Variants in WDR27 observed in about 807,000 individuals in gnomAD.
WDR27 encodes the protein WD repeat domain 27, also known as WD repeat-containing protein 27.
A neutral mutation model predicts 114.4 loss-of-function variants in WDR27; 100 were observed. The observed-to-expected ratio is 0.87, with a 90% CI of 0.74 to 1.03. The LOEUF is 1.03. WDR27 is among the 50% of genes least tolerant of loss of function. WDR27 has a pLI of 0.00. For synonymous variants in WDR27, 449 were observed against 423.1 expected, an observed-to-expected ratio of 1.06 and a Z score of -0.75; for missense variants, 1,129 against 1,092.9, an observed-to-expected ratio of 1.03 and a Z score of -0.47.
At chr6:169,573,761 C>T (rs1166085948) in intron 24 of WDR27, among the ~76,000 whole-genome samples, 1 of 152,236 alleles carries the variant, frequency 6.6e-6, no homozygotes, top group Non-Finnish European at 1.5e-5. Flanking sequence ...ACTTAACCTG[C>T]ACGCTTCCTG....
At chr6:169,578,429 GA>G in intron 24 of WDR27, among the ~76,000 whole-genome samples, 1 of 152,318 alleles carries the variant, frequency 6.6e-6, no homozygotes, top group Middle Eastern at 3.4e-3. Context: ...AGTCTATCTA[GA>G]TTGGGTTTTT....
At chr6:169,480,023 G>A (rs1022017425) in intron 25 of WDR27, among the ~76,000 whole-genome samples, 6 of 152,306 alleles carry the variant, frequency 3.9e-5, no homozygotes, top group Admixed American at 2.0e-4. Flanking sequence ...CTCTGCTTGC[G>A]GGGAGGTGTG....
At chr6:169,638,322 CAAAAAA>C (rs60501000) in intron 18 of WDR27, among the ~76,000 whole-genome samples, 4 of 11,062 alleles carry the variant, frequency 3.6e-4, no homozygotes, top group East Asian at 2.9e-3. Context: ...GACTCCGTCT[CAAAAAA>C]AAAAAAAAAA....
At chr6:169,621,512 TC>T (rs1813244697) in intron 21 of WDR27, among the ~76,000 whole-genome samples, 1 of 141,856 alleles carries the variant, frequency 7.0e-6, no homozygotes, top group African/African-American at 2.7e-5. Context: ...ACACATGCAT[TC>T]ACACATATAC....
intron 1 of WDR27, among the ~76,000 whole-genome samples, chr6:169,698,407 G>GAC (rs143177967): frequency 3.2e-4 from 48 of 151,604 alleles, no homozygotes; most frequent in Admixed American, 1.6e-3. Flanking sequence ...GGGACACACC[G>GAC]ACACACACAC....
At chr6:169,438,394 C>T in the WDR27 span, among the ~76,000 whole-genome samples, 22 of 151,980 alleles carry the variant, frequency 1.4e-4, no homozygotes, top group African/African-American at 4.8e-4. Context: ...CCCACCACCA[C>T]ACCCGGCTAA....
rs140808677 is a variant in WDR27 at position 169,651,464 on chromosome 6, C to T, written c.1481+466G>A. On this transcript the variant is annotated intron_variant, in intron 14 of 25. Transcript: ENST00000448612. ...TCAAGGCCTCCTCATGGTTTCTCAG[C>T]TGCTTTGTATCTCCTTGCCTTTGAG... Among the ~76,000 whole-genome samples, 237 of 152,224 alleles carry T rather than the reference C, an allele frequency of 1.6e-3. 1 individual carries two copies. Among genetic ancestry groups the T allele is most frequent in the African/African-American group, 5.4e-3 (226 of 41,508 alleles).
At chr6:169,441,742 C>T in the WDR27 span, among the ~76,000 whole-genome samples, 3 of 152,206 alleles carry the variant, frequency 2.0e-5, no homozygotes, top group Non-Finnish European at 4.4e-5. Context: ...CAATGCATAA[C>T]ATTTTTCTTT....
the WDR27 span, among the ~76,000 whole-genome samples, chr6:169,430,130 C>T: frequency 1.7e-4 from 26 of 152,308 alleles, no homozygotes; most frequent in African/African-American, 6.3e-4. Flanking sequence ...AAGAGTGGCA[C>T]ACGTCAAACC....
intron 25 of WDR27, among the ~76,000 whole-genome samples, chr6:169,520,484 C>T (rs1451758493): frequency 1.3e-5 from 2 of 151,840 alleles, no homozygotes; most frequent in Non-Finnish European, 2.9e-5. Flanking sequence ...AATACAAAGA[C>T]ACAGATGTAC....
At chr6:169,672,203 T>C (rs1344094835) in intron 3 of WDR27, 52 bp downstream of exon 3, 2 of 1,581,212 alleles carry the variant, frequency 1.3e-6, no homozygotes, top group Non-Finnish European at 1.7e-6. Context: ...TACTGAAGGA[T>C]GAGTTATTCC....
chr6:169,656,554 C>A (rs555579112), intron 13 of WDR27, among the ~76,000 whole-genome samples: 13 of 151,820 alleles, frequency 8.6e-5, no homozygotes, highest in African/African-American at 2.7e-4. Context: ...TCCAGGAAGA[C>A]GAAGAGGTTC....
At chr6:169,641,387 C>T (rs972365208) in intron 17 of WDR27, among the ~76,000 whole-genome samples, 4 of 152,236 alleles carry the variant, frequency 2.6e-5, no homozygotes, top group Non-Finnish European at 5.9e-5. Flanking sequence ...CTTCCTCTCT[C>T]TCCCCACGAT....
intron 14 of WDR27, among the ~76,000 whole-genome samples, chr6:169,649,623 C>G (rs1185687833): frequency 1.3e-5 from 2 of 152,032 alleles, no homozygotes; most frequent in East Asian, 3.9e-4. Flanking sequence ...CCACACAAAG[C>G]CTGACACTGA....
intron 15 of WDR27, among the ~76,000 whole-genome samples, chr6:169,648,454 C>T (rs530468652): frequency 1.5e-4 from 23 of 152,218 alleles, no homozygotes; most frequent in South Asian, 6.2e-4. Context: ...CAGAGCTGAA[C>T]GGAACTCTGA....
intron 25 of WDR27, among the ~76,000 whole-genome samples, chr6:169,562,399 T>C (rs1470086897): frequency 6.6e-6 from 1 of 152,156 alleles, no homozygotes; most frequent in Non-Finnish European, 1.5e-5. Context: ...AGATAACCCA[T>C]GAATCAATGA....
intron 18 of WDR27, among the ~76,000 whole-genome samples, chr6:169,637,212 C>G (rs1386321812): frequency 6.6e-6 from 1 of 152,178 alleles, no homozygotes; most frequent in African/African-American, 2.4e-5. Context: ...CCCAAATGAT[C>G]TCCCGTAAGT....
chr6:169,523,968 T>C (rs560117572), intron 25 of WDR27, among the ~76,000 whole-genome samples: 2 of 152,132 alleles, frequency 1.3e-5, no homozygotes, highest in South Asian at 4.1e-4. Context: ...AAAGAATTAA[T>C]AGACATAATA....
intron 21 of WDR27, among the ~76,000 whole-genome samples, chr6:169,620,884 T>C (rs1463050718): frequency 6.6e-6 from 1 of 152,182 alleles, no homozygotes; most frequent in Non-Finnish European, 1.5e-5. Flanking sequence ...CTGCTCCTCC[T>C]GCACTCTGCT....
Sources: allele counts gnomAD v4.1 joint callset (sites outside exome capture counted in the v4.1 genomes callset), GRCh38; gene constraint gnomAD v4.1.1; transcripts MANE v1.5; gene names NCBI Gene and HGNC (gene_info 2026-07-23, HGNC 2026-07-21).